MCTP1: variants seen among roughly 807,000 people sequenced by gnomAD.
The protein encoded by MCTP1 is multiple C2 and transmembrane domain-containing protein 1.
In MCTP1, 69 loss-of-function variants were observed where a neutral mutation model predicts 120.6. That is an observed-to-expected ratio of 0.57 (90% CI 0.47 to 0.70). MCTP1 has a LOEUF of 0.70. Among genes scored for constraint, MCTP1 ranks in the 30% least tolerant of loss-of-function variants. The probability of loss-of-function intolerance (pLI) is 0.00; values close to 1 mark genes in which losing one functional copy is unlikely to be tolerated. For synonymous variants in MCTP1, 529 were observed against 493.1 expected (o/e 1.07, Z -0.96); for missense variants, 1,203 against 1,248.8 (o/e 0.96, Z 0.55).
At chr5:94,952,778 T>C (rs899960838) in intron 3 of MCTP1, among the ~76,000 whole-genome samples, 2 of 151,418 alleles carry the variant, frequency 1.3e-5, no homozygotes, top group Non-Finnish European at 2.9e-5. Flanking sequence ...AGATAGGAAT[T>C]TTTCTCCCCC....
intron 1 of MCTP1, among the ~76,000 whole-genome samples, chr5:95,142,262 T>C (rs141282773): frequency 1.8e-3 from 270 of 152,322 alleles, no homozygotes; most frequent in African/African-American, 6.1e-3. Flanking sequence ...ATTCTCCAAA[T>C]TGCCAAGTCT....
At chr5:94,749,911 C>T (rs1767892484) in intron 19 of MCTP1, among the ~76,000 whole-genome samples, 1 of 152,014 alleles carries the variant, frequency 6.6e-6, no homozygotes, top group African/African-American at 2.4e-5. Context: ...AGCAGTTTAC[C>T]CAAGATCATT....
At chr5:94,871,446 A>G (rs2153310845) in intron 13 of MCTP1, 29 bp from the exon 14 acceptor site, 1 of 1,427,014 alleles carries the variant, frequency 7.0e-7, no homozygotes, top group East Asian at 2.3e-5. Flanking sequence ...TAAGAAAAAA[A>G]GATTTCATCA....
At chr5:94,924,444 A>G (rs1477478062) in intron 6 of MCTP1, among the ~76,000 whole-genome samples, 1 of 152,174 alleles carries the variant, frequency 6.6e-6, no homozygotes, top group African/African-American at 2.4e-5. Flanking sequence ...ATAAACATGC[A>G]CCTAGTCAAA....
intron 17 of MCTP1, among the ~76,000 whole-genome samples, chr5:94,801,180 G>A (rs901232490): frequency 6.6e-6 from 1 of 152,096 alleles, no homozygotes; most frequent in South Asian, 2.1e-4. Flanking sequence ...CTCCTTTAAA[G>A]GTAGACTTTT....
At chr5:95,131,801 G>C (rs1324212319) in intron 1 of MCTP1, among the ~76,000 whole-genome samples, 1 of 152,182 alleles carries the variant, frequency 6.6e-6, no homozygotes, top group Non-Finnish European at 1.5e-5. Flanking sequence ...CTGGTTGAAT[G>C]AATGAATAAA....
intron 1 of MCTP1, among the ~76,000 whole-genome samples, chr5:95,248,232 T>G (rs942544648): frequency 1.3e-5 from 2 of 152,152 alleles, no homozygotes; most frequent in Admixed American, 1.3e-4. Context: ...GAAGTCAAAT[T>G]GTCTCTGTTT....
intron 1 of MCTP1, among the ~76,000 whole-genome samples, chr5:95,213,768 A>C (rs1168729441): frequency 1.3e-5 from 2 of 152,348 alleles, no homozygotes; most frequent in African/African-American, 4.8e-5. Context: ...TGGGGAAAGG[A>C]TTCCCTATTT....
chr5:95,108,963 A>G lies in MCTP1; in HGVS notation c.721-91479T>C, dbSNP rs75667330. Among the ~76,000 whole-genome samples, 57 of 152,362 alleles carry G rather than the reference A, an allele frequency of 3.7e-4. No homozygotes were observed. The East Asian group carries it at 8.5e-3, about 23-fold the overall frequency. ...AATGCTTACTATGCCATTCAAAGAA[A>G]TCACAAAAGTAGTATTAAATAGAAG... On this transcript the variant is annotated intron_variant, in intron 1 of 22. Coordinates refer to ENST00000515393, the MANE Select transcript of MCTP1 (RefSeq NM_024717.7).
chr5:95,141,698 C>G (rs1274191991), intron 1 of MCTP1, among the ~76,000 whole-genome samples: 1 of 151,962 alleles, frequency 6.6e-6, no homozygotes, highest in East Asian at 1.9e-4. Context: ...CCATCTTTCT[C>G]TCTCCCTCCC....
At chr5:94,815,019 G>A (rs1012277624) in intron 17 of MCTP1, among the ~76,000 whole-genome samples, 1 of 152,146 alleles carries the variant, frequency 6.6e-6, no homozygotes, top group East Asian at 1.9e-4. Context: ...CCCCACATTC[G>A]TCTACGGGAA....
At chr5:94,894,236 T>C (rs755868758) in intron 11 of MCTP1, among the ~76,000 whole-genome samples, 2 of 152,222 alleles carry the variant, frequency 1.3e-5, no homozygotes, top group Non-Finnish European at 2.9e-5. Context: ...TACTCTTTAG[T>C]TACCAGCGTA....
intron 18 of MCTP1, among the ~76,000 whole-genome samples, chr5:94,791,254 C>T (rs1002251895): frequency 6.6e-6 from 1 of 151,690 alleles, no homozygotes. Context: ...GCCGAGATCA[C>T]ACCACTGCAC....
intron 1 of MCTP1, among the ~76,000 whole-genome samples, chr5:95,103,232 A>C (rs1410547573): frequency 6.6e-6 from 1 of 152,096 alleles, no homozygotes; most frequent in African/African-American, 2.4e-5. Flanking sequence ...ATCAATGAAC[A>C]TCACAAATAT....
At chr5:95,097,138 C>T (rs1756331924) in intron 1 of MCTP1, among the ~76,000 whole-genome samples, 1 of 151,732 alleles carries the variant, frequency 6.6e-6, no homozygotes, top group Non-Finnish European at 1.5e-5. Context: ...ATAAATACTG[C>T]CTATGATATC....
At chr5:94,812,047 T>C (rs17084091) in intron 17 of MCTP1, among the ~76,000 whole-genome samples, 11,520 of 152,220 alleles carry the variant, frequency 0.076, 553 homozygotes, top group East Asian at 0.26. Flanking sequence ...TCAAGAAACA[T>C]TTATACTTCT....
At chr5:94,871,045 C>G in intron 14 of MCTP1, 72 bp from the exon 15 acceptor site, 1 of 1,222,232 alleles carries the variant, frequency 8.2e-7, no homozygotes, top group Middle Eastern at 1.9e-4. Flanking sequence ...TGACCTTTGA[C>G]CCCCAGCTGC....
At chr5:95,062,802 GTTTTTTTGT>G (rs1749591215) in intron 1 of MCTP1, among the ~76,000 whole-genome samples, 1 of 151,718 alleles carries the variant, frequency 6.6e-6, no homozygotes, top group African/African-American at 2.4e-5. Context: ...CTGTTTTATT[GTTTTTTTGT>G]TTTTTTTGTT....
intron 1 of MCTP1, among the ~76,000 whole-genome samples, chr5:95,033,029 C>T (rs553289425): frequency 4.7e-4 from 71 of 152,122 alleles, no homozygotes; most frequent in Non-Finnish European, 9.1e-4. Context: ...AAACACGCAA[C>T]CTTCCAAGAC....
Sources: allele counts gnomAD v4.1 joint callset (sites outside exome capture counted in the v4.1 genomes callset), GRCh38; gene constraint gnomAD v4.1.1; transcripts MANE v1.5; gene names NCBI Gene and HGNC (gene_info 2026-07-23, HGNC 2026-07-21).